The following GPC5 variants were observed in gnomAD, a reference collection of about 807,000 sequenced individuals.
GPC5 encodes glypican-5.
GPC5 carries 47 observed loss-of-function variants against 53.9 expected under a neutral mutation model. The ratio of observed to expected loss-of-function variants is 0.87; its 90% confidence interval spans 0.69 to 1.11. The LOEUF is 1.11. GPC5 is among the 50% of genes most tolerant of loss of function. The pLI is 0.00. For synonymous variants in GPC5, 286 were observed against 263.3 expected, an observed-to-expected ratio of 1.09 and a Z score of -0.84; for missense variants, 748 against 713.1, an observed-to-expected ratio of 1.05 and a Z score of -0.56.
At chr13:92,808,236 G>GA (rs1877172169) in intron 7 of GPC5, among the ~76,000 whole-genome samples, 1 of 151,988 alleles carries the variant, frequency 6.6e-6, no homozygotes, top group Admixed American at 6.6e-5. Context: ...CATAGATTTT[G>GA]TAATGCTTTG....
At chr13:92,738,185 A>G (rs1313868522) in intron 7 of GPC5, among the ~76,000 whole-genome samples, 1 of 152,098 alleles carries the variant, frequency 6.6e-6, no homozygotes, top group African/African-American at 2.4e-5. Flanking sequence ...TTTACCATAT[A>G]TATCTATGTC....
intron 1 of GPC5, among the ~76,000 whole-genome samples, chr13:91,402,423 A>T (rs1877022752): frequency 6.6e-6 from 1 of 152,186 alleles, no homozygotes; most frequent in African/African-American, 2.4e-5. Context: ...AAATCTTATT[A>T]TTGCTCCAAG....
chr13:92,602,657 A>G (rs1015657043), intron 7 of GPC5, among the ~76,000 whole-genome samples: 1 of 152,082 alleles, frequency 6.6e-6, no homozygotes, highest in African/African-American at 2.4e-5. Context: ...ACGGTGTGGG[A>G]TTCTTGAAGG....
chr13:91,519,622 A>G (rs973485224), intron 2 of GPC5, among the ~76,000 whole-genome samples: 2 of 152,218 alleles, frequency 1.3e-5, no homozygotes, highest in African/African-American at 4.8e-5. Flanking sequence ...GCCATGTGGA[A>G]CTATGAGTCA....
At chr13:92,603,792 T>C (rs1884162264) in intron 7 of GPC5, among the ~76,000 whole-genome samples, 1 of 152,190 alleles carries the variant, frequency 6.6e-6, no homozygotes, top group Admixed American at 6.5e-5. Flanking sequence ...CTTCCTTTGT[T>C]TTGTGCCATC....
chr13:92,117,896 C>T (rs1247675824), intron 6 of GPC5, among the ~76,000 whole-genome samples: 1 of 152,016 alleles, frequency 6.6e-6, no homozygotes, highest in African/African-American at 2.4e-5. Flanking sequence ...AAAATAGAAA[C>T]AGGTTTGTTT....
chr13:91,768,047 A>G (rs573810338), intron 5 of GPC5, among the ~76,000 whole-genome samples: 5 of 152,316 alleles, frequency 3.3e-5, no homozygotes, highest in African/African-American at 1.2e-4. Flanking sequence ...TAAGTTTGCT[A>G]AACTACAAAA....
chr13:91,791,263 G>A (rs1226694063), intron 5 of GPC5, among the ~76,000 whole-genome samples: 1 of 152,180 alleles, frequency 6.6e-6, no homozygotes, highest in Admixed American at 6.5e-5. Context: ...ATATTGGGTG[G>A]TGCCAGGTGG....
chr13:92,181,416 A>C (rs186169983), intron 7 of GPC5, among the ~76,000 whole-genome samples: 1 of 152,176 alleles, frequency 6.6e-6, no homozygotes, highest in Non-Finnish European at 1.5e-5. Context: ...AAAATAAATA[A>C]AATTTCCCTC....
intron 2 of GPC5, among the ~76,000 whole-genome samples, chr13:91,600,312 AG>A: frequency 3.9e-4 from 1 of 2,588 alleles, no homozygotes; most frequent in South Asian, 0.033. Flanking sequence ...TTACAGAGAG[AG>A]AGAGAGAGAG....
At chr13:92,812,489 GC>G (rs1341384996) in intron 7 of GPC5, among the ~76,000 whole-genome samples, 3 of 151,790 alleles carry the variant, frequency 2.0e-5, no homozygotes, top group East Asian at 1.9e-4. Flanking sequence ...AATTAAACAA[GC>G]TTTTATAAGT....
chr13:92,379,004 T>C (rs2043716869), intron 7 of GPC5, among the ~76,000 whole-genome samples: 1 of 152,152 alleles, frequency 6.6e-6, no homozygotes. Context: ...ACATAATAAA[T>C]GTATAAAGGT....
At chr13:92,681,379 T>C (rs887517106) in intron 7 of GPC5, among the ~76,000 whole-genome samples, 1 of 151,630 alleles carries the variant, frequency 6.6e-6, no homozygotes, top group Non-Finnish European at 1.5e-5. Context: ...ACCCAATCTC[T>C]CTTCCTCTGT....
intron 6 of GPC5, among the ~76,000 whole-genome samples, chr13:92,102,557 G>A (rs1386397503): frequency 1.3e-5 from 2 of 152,114 alleles, no homozygotes; most frequent in Admixed American, 6.6e-5. Context: ...TAAAATGAGA[G>A]GAAGCAACAT....
At chr13:91,491,173 C>T (rs750009435) in intron 2 of GPC5, among the ~76,000 whole-genome samples, 2 of 152,144 alleles carry the variant, frequency 1.3e-5, no homozygotes, top group Non-Finnish European at 2.9e-5. Flanking sequence ...TAGGCCATTA[C>T]CATTACTTTC....
At chr13:92,143,361 A>G (rs2041844812) in intron 6 of GPC5, among the ~76,000 whole-genome samples, 1 of 152,122 alleles carries the variant, frequency 6.6e-6, no homozygotes, top group Non-Finnish European at 1.5e-5. Flanking sequence ...AAATAATACC[A>G]TTTATCCTTT....
chr13:92,651,624 A>G (rs1262973800), intron 7 of GPC5, among the ~76,000 whole-genome samples: 2 of 152,140 alleles, frequency 1.3e-5, no homozygotes, highest in African/African-American at 4.8e-5. Flanking sequence ...CTACAGAAAA[A>G]CTAAGGAAAT....
At chr13:91,499,719 GC>G (rs1594172140) in intron 2 of GPC5, among the ~76,000 whole-genome samples, 1 of 152,250 alleles carries the variant, frequency 6.6e-6, no homozygotes, top group East Asian at 1.9e-4. Flanking sequence ...TTACTCTTCT[GC>G]CACCTTTCAG....
intron 7 of GPC5, among the ~76,000 whole-genome samples, chr13:92,268,744 T>C (rs2042820023): frequency 6.6e-6 from 1 of 152,106 alleles, no homozygotes; most frequent in Non-Finnish European, 1.5e-5. Context: ...CAAATATGTG[T>C]CCTTTGCTTT....
Sources: allele counts gnomAD v4.1 joint callset (sites outside exome capture counted in the v4.1 genomes callset), GRCh38; gene constraint gnomAD v4.1.1; transcripts MANE v1.5; gene names NCBI Gene and HGNC (gene_info 2026-07-23, HGNC 2026-07-21).